The following MDM2 variants were observed in gnomAD, a reference collection of about 807,000 sequenced individuals.
MDM2 encodes the protein E3 ubiquitin-protein ligase Mdm2.
A neutral mutation model predicts 64.3 loss-of-function variants in MDM2; 11 were observed. The observed-to-expected ratio is 0.17, with a 90% CI of 0.11 to 0.28. The LOEUF (loss-of-function observed/expected upper bound fraction) is 0.28, where lower values mean the gene tolerates loss of function less well. MDM2 is among the 10% of genes least tolerant of loss of function. The probability of loss-of-function intolerance (pLI) is 1.00; values close to 1 mark genes in which losing one functional copy is unlikely to be tolerated. For synonymous variants in MDM2, 194 were observed against 192.9 expected (o/e 1.01, Z -0.05); for missense variants, 388 against 577.1 (o/e 0.67, Z 3.36).
At chr12:68,811,268 A>G (rs1173919122) in intron 2 of MDM2, among the ~76,000 whole-genome samples, 3 of 152,140 alleles carry the variant, frequency 2.0e-5, no homozygotes, top group Non-Finnish European at 4.4e-5. Flanking sequence ...GAGTAGCTCT[A>G]TGTGTTTCAA....
chr12:68,838,453 GA>G (rs1326835856), intron 10 of MDM2, among the ~76,000 whole-genome samples: 1 of 152,194 alleles, frequency 6.6e-6, no homozygotes, highest in African/African-American at 2.4e-5. Context: ...TAAAGGAAAG[GA>G]TATTACGGTT....
chr12:68,816,568 A>G (rs1881401201), intron 3 of MDM2, among the ~76,000 whole-genome samples: 1 of 151,798 alleles, frequency 6.6e-6, no homozygotes, highest in South Asian at 2.1e-4. Flanking sequence ...AGATGGGACC[A>G]GGATGGTCTT....
rs1192520607 is a variant in MDM2, at chr12:68,844,654, AAAC to A, written c.*4808_*4810del. The A allele has an allele frequency of 2.7e-5, 6 of 225,444 alleles. No homozygotes were observed. Among genetic ancestry groups the A allele is most frequent in the African/African-American group, 1.4e-4 (6 of 44,158 alleles). The allele number at this position is 225,444 out of a possible 1,614,324, so 14.0% of individuals were successfully genotyped here. A position where few individuals can be genotyped will look rare whatever the true frequency, so the allele number is the denominator to read the frequency against. On this transcript the variant is annotated 3_prime_UTR_variant, in exon 11 of 11. Transcript: ENST00000258149. The stretch of plus-strand genomic sequence containing the variant: ...GCACAAATGTAAGTACATCAGAAAA[AAAC>A]AAAAAAACTGGCTTTAAAGCAGGAG...
At chr12:68,826,346 G>C (rs762391479) in intron 7 of MDM2, among the ~76,000 whole-genome samples, 1 of 151,802 alleles carries the variant, frequency 6.6e-6, no homozygotes, top group African/African-American at 2.4e-5. Context: ...TAAATTTTTC[G>C]GATTATAAAA....
chr12:68,838,343 T>C (rs1883473308), intron 10 of MDM2, among the ~76,000 whole-genome samples: 1 of 152,112 alleles, frequency 6.6e-6, no homozygotes, highest in Non-Finnish European at 1.5e-5. Context: ...GAGTTTGTTA[T>C]CCAAATTGCA....
chr12:68,845,055 G>T lies in MDM2; in HGVS notation c.*5206G>T. On this transcript the variant is annotated 3_prime_UTR_variant, in exon 11 of 11. Coordinates refer to ENST00000258149, the MANE Select transcript of MDM2 (RefSeq NM_002392.6). ...AGTGCTGTGATTACAGGCGTGAGCC[G>T]CCACGCCCAGCCTAATAAGGGTTTT... The T allele has an allele frequency of 4.8e-6, 1 of 209,672 alleles. No individual in the cohort carries two copies. Among genetic ancestry groups the T allele is most frequent in the Non-Finnish European group, 9.7e-6 (1 of 103,240 alleles). The allele number at this position is 209,672 out of a possible 1,614,324, so 13.0% of individuals were successfully genotyped here.
chr12:68,810,188 T>G (rs1469322958), intron 2 of MDM2, among the ~76,000 whole-genome samples: 3 of 151,884 alleles, frequency 2.0e-5, no homozygotes, highest in Admixed American at 2.0e-4. Flanking sequence ...GGCGCGCGCC[T>G]ATAATCCCCT....
chr12:68,835,142 G>T (rs1418829580), intron 8 of MDM2, among the ~76,000 whole-genome samples: 1 of 152,142 alleles, frequency 6.6e-6, no homozygotes, highest in Non-Finnish European at 1.5e-5. Flanking sequence ...TGAGTGACAG[G>T]TTTTAGCTCA....
rs1189324960 is a variant in MDM2 at position 68,808,209 on chromosome 12, C to T, written c.-269C>T. On this transcript the variant is annotated 5_prime_UTR_variant, in exon 1 of 11. Transcript: ENST00000258149. ...CACCGAGGCACCGCGGCGAGCTTGG[C>T]TGCTTCTGGGGCCTGTGTGGCCCTG... is the stretch of plus-strand genomic sequence containing the variant. 1 of 513,190 alleles carries T rather than the reference C, an allele frequency of 1.9e-6. No homozygotes were observed. The highest frequency in any genetic ancestry group is 3.4e-6 in the Non-Finnish European group (1 of 292,040). 31.8% of individuals were successfully genotyped at this position (513,190 alleles called of 1,614,324 possible).
chr12:68,843,773 G>A lies in MDM2; in HGVS notation c.*3924G>A, dbSNP rs2136189799. On this transcript the variant is annotated 3_prime_UTR_variant, in exon 11 of 11. Transcript: ENST00000258149. The stretch of plus-strand genomic sequence containing the variant: ...TAGTTTACCTGTGGAGGTCCTCCAA[G>A]CATTATTTGGAGTTGATAATACTTC... The A allele has an allele frequency of 4.5e-6, 1 of 222,858 alleles. No individual in the cohort carries two copies. Among genetic ancestry groups the A allele is most frequent in the East Asian group, 6.5e-5 (1 of 15,318 alleles). 13.8% of individuals were successfully genotyped at this position (222,858 alleles called of 1,614,324 possible). A position where few individuals can be genotyped will look rare whatever the true frequency, so the allele number is the denominator to read the frequency against.
At chr12:68,825,243 C>G (rs1438846561) in intron 7 of MDM2, among the ~76,000 whole-genome samples, 1 of 152,082 alleles carries the variant, frequency 6.6e-6, no homozygotes, top group Non-Finnish European at 1.5e-5. Flanking sequence ...CATATAAACT[C>G]TATTTTCACC....
intron 8 of MDM2, among the ~76,000 whole-genome samples, chr12:68,835,551 A>T (rs1333237331): frequency 6.6e-6 from 1 of 152,238 alleles, no homozygotes; most frequent in African/African-American, 2.4e-5. Flanking sequence ...AACAGGGAAA[A>T]TAATGTAGTA....
rs758613549 is a variant in MDM2, at chr12:68,816,965, C to T, written c.308+20C>T. The T allele has an allele frequency of 6.2e-7, 1 of 1,607,532 alleles. No homozygotes were observed. The highest frequency in any genetic ancestry group is 1.1e-5 in the South Asian group (1 of 89,120). ...GCACAGGTAATTCTTCAGTTTAGTCCATTGTAAAAAGCCATCTGGGCTAAC... is the reference window on the plus strand; with the variant it reads ...GCACAGGTAATTCTTCAGTTTAGTCTATTGTAAAAAGCCATCTGGGCTAAC... On this transcript the variant is annotated intron_variant, in intron 4 of 10. Coordinates refer to ENST00000258149, the MANE Select transcript of MDM2 (RefSeq NM_002392.6).
At position 68,844,375 on chromosome 12, in the gene MDM2, C is replaced by T; in HGVS notation, c.*4526C>T. 4.4e-6 allele frequency: 1 copy of T among 225,254 alleles called. No individual in the cohort carries two copies. Among genetic ancestry groups the T allele is most frequent in the East Asian group, 6.4e-5 (1 of 15,610 alleles). 14.0% of individuals were successfully genotyped at this position (225,254 alleles called of 1,614,324 possible). A position where few individuals can be genotyped will look rare whatever the true frequency, so the allele number is the denominator to read the frequency against. On this transcript the variant is annotated 3_prime_UTR_variant, in exon 11 of 11. Transcript: ENST00000258149. The stretch of plus-strand genomic sequence containing the variant: ...AGCAGTTGGGAGCCTCCAATGAGAG[C>T]AACTTGAGAGAATGATGTTGCAAGT...
At chr12:68,831,214 CAA>C (rs1487639595) in intron 8 of MDM2, among the ~76,000 whole-genome samples, 1 of 152,032 alleles carries the variant, frequency 6.6e-6, no homozygotes, top group African/African-American at 2.4e-5. Context: ...GTTTAATAGG[CAA>C]GAAGGGAGAA....
intron 1 of MDM2, chr12:68,808,944 GA>G (rs918289481): frequency 7.3e-7 from 1 of 1,378,940 alleles, no homozygotes; most frequent in African/African-American, 1.5e-5. Context: ...GACACGTTCC[GA>G]AACTGCAGTA....
rs2136181729 is a variant in MDM2 at position 68,840,470 on chromosome 12, A to G, written c.*621A>G. The G allele has an allele frequency of 5.4e-6, 1 of 185,616 alleles. No individual in the cohort carries two copies. The highest frequency in any genetic ancestry group is 1.1e-5 in the Non-Finnish European group (1 of 88,266). 11.5% of individuals were successfully genotyped at this position (185,616 alleles called of 1,614,324 possible). On this transcript the variant is annotated 3_prime_UTR_variant, in exon 11 of 11. Transcript: ENST00000258149. The stretch of plus-strand genomic sequence containing the variant: ...AAATGTCACTTAGTACCTTTGATAT[A>G]AAGAGAAAATGTGTGAAAGATTTAG...
chr12:68,810,225 G>A (rs1047903645), intron 2 of MDM2, among the ~76,000 whole-genome samples: 1 of 151,458 alleles, frequency 6.6e-6, no homozygotes, highest in African/African-American at 2.4e-5. Flanking sequence ...CAGGAGAATC[G>A]CTTGAACCCA....
chr12:68,840,498 TTTTG>T lies in MDM2; in HGVS notation c.*653_*656del, dbSNP rs1163074648. ...GAGAAAATGTGTGAAAGATTTAGTT[TTTTG>T]TTTTTTTGTTTGTTTGTTTGTTTGT... On this transcript the variant is annotated 3_prime_UTR_variant, in exon 11 of 11. Coordinates refer to ENST00000258149, the MANE Select transcript of MDM2 (RefSeq NM_002392.6). 5.3e-6 allele frequency: 1 copy of T among 187,522 alleles called. No individual in the cohort carries two copies. The highest frequency in any genetic ancestry group is 1.1e-5 in the Non-Finnish European group (1 of 92,016). The allele number at this position is 187,522 out of a possible 1,614,324, so 11.6% of individuals were successfully genotyped here.
Sources: allele counts gnomAD v4.1 joint callset (sites outside exome capture counted in the v4.1 genomes callset), GRCh38; gene constraint gnomAD v4.1.1; transcripts MANE v1.5; gene names NCBI Gene and HGNC (gene_info 2026-07-23, HGNC 2026-07-21).